Variants in PLCH1 observed in about 807,000 individuals in gnomAD.
PLCH1 encodes 1-phosphatidylinositol 4,5-bisphosphate phosphodiesterase eta-1.
In PLCH1, 60 loss-of-function variants were observed where a neutral mutation model predicts 126.7. The observed-to-expected ratio is 0.47, with a 90% CI of 0.38 to 0.59. PLCH1 has a LOEUF of 0.59. Ranked by LOEUF, PLCH1 falls within the 20% of genes least tolerant of loss-of-function variation. The pLI, the probability that PLCH1 is intolerant of heterozygous loss-of-function variation, is 0.00. For synonymous variants in PLCH1, 719 were observed against 734.9 expected (o/e 0.98, Z 0.35); for missense variants, 1,723 against 2,040.0 (o/e 0.84, Z 2.99).
At chr3:155,546,932 A>T (rs2108432221) in intron 10 of PLCH1, among the ~76,000 whole-genome samples, 2 of 138,112 alleles carry the variant, frequency 1.4e-5, no homozygotes, top group East Asian at 4.0e-4. Context: ...AAACCATAAA[A>T]ACCCTAGAAG....
At chr3:155,623,206 A>G (rs1736745683) in intron 2 of PLCH1, among the ~76,000 whole-genome samples, 1 of 152,334 alleles carries the variant, frequency 6.6e-6, no homozygotes, top group South Asian at 2.1e-4. Context: ...TTTGAAACCA[A>G]TGAGAACAAA....
intron 9 of PLCH1, among the ~76,000 whole-genome samples, chr3:155,550,375 C>T (rs1725948406): frequency 6.6e-6 from 1 of 152,100 alleles, no homozygotes; most frequent in Non-Finnish European, 1.5e-5. Context: ...TTAAATGAAG[C>T]TATTGACTCT....
At chr3:155,518,818 A>G (rs1023165321) in intron 11 of PLCH1, among the ~76,000 whole-genome samples, 1 of 152,062 alleles carries the variant, frequency 6.6e-6, no homozygotes, top group African/African-American at 2.4e-5. Context: ...TCCTTCTCTC[A>G]CTCAGGGCCT....
intron 22 of PLCH1, among the ~76,000 whole-genome samples, chr3:155,484,029 C>T (rs910000482): frequency 2.0e-5 from 3 of 152,094 alleles, no homozygotes; most frequent in African/African-American, 7.2e-5. Flanking sequence ...GATGTTACCA[C>T]TGAGACAGCC....
At chr3:155,457,685 A>G (rs1712485867) in intron 21 of PLCH1, 1 of 152,234 alleles carries the variant, frequency 6.6e-6, no homozygotes, top group Non-Finnish European at 1.5e-5. Context: ...CATAAGGTCA[A>G]GGAATTCGGT....
rs1314567099 is a variant in PLCH1, at chr3:155,744,980, C to T, written c.-181G>A. 1 of 152,578 alleles carries T rather than the reference C, an allele frequency of 6.6e-6. No homozygotes were observed. Among genetic ancestry groups the T allele is most frequent in the African/African-American group, 2.4e-5 (1 of 41,412 alleles). The allele number at this position is 152,578 out of a possible 1,614,324, so 9.5% of individuals were successfully genotyped here. On this transcript the variant is annotated 5_prime_UTR_variant, in exon 1 of 23. Transcript: ENST00000460012. The stretch of plus-strand genomic sequence containing the variant: ...CCCCTGCCAAGGGCCAGAAAAGCCC[C>T]CCTAGAAGAGCACTTCTCCCCACTA...
rs796818041 is a variant in PLCH1, at chr3:155,458,453, G to GGAAAGAAAGAAAGAAA, written c.2938+26887_2938+26902dup. Among the ~76,000 whole-genome samples the GGAAAGAAAGAAAGAAA allele has an allele frequency of 2.0e-3, 58 of 28,672 alleles. 3 individuals are homozygous for GGAAAGAAAGAAAGAAA. Among genetic ancestry groups the GGAAAGAAAGAAAGAAA allele is most frequent in the Middle Eastern group, 0.013 (1 of 78 alleles). The allele number at this position is 28,672 out of a possible 152,430, so 18.8% of individuals were successfully genotyped here. A position where few individuals can be genotyped will look rare whatever the true frequency, so the allele number is the denominator to read the frequency against. On this transcript the variant is annotated intron_variant, in intron 21 of 21. Transcript: ENST00000494598. ...AGGAAGGAAGGAAGGAAGGAAGGAA[G>GGAAAGAAAGAAAGAAA]GAAAGAAAGAAAGAAAGAAAGAAAG...
chr3:155,513,187 G>T (rs1388411026), intron 12 of PLCH1, among the ~76,000 whole-genome samples: 3 of 152,178 alleles, frequency 2.0e-5, no homozygotes, highest in Non-Finnish European at 4.4e-5. Flanking sequence ...CTGGCACAGA[G>T]GGCCTCGTCT....
intron 2 of PLCH1, among the ~76,000 whole-genome samples, chr3:155,671,068 C>G (rs1170753105): frequency 6.6e-6 from 1 of 152,166 alleles, no homozygotes; most frequent in East Asian, 1.9e-4. Context: ...ATGTATCTTA[C>G]CACCTCTAAC....
chr3:155,672,143 C>T (rs1356231982), intron 2 of PLCH1, among the ~76,000 whole-genome samples: 1 of 152,092 alleles, frequency 6.6e-6, no homozygotes, highest in Admixed American at 6.6e-5. Context: ...ATGAATCCTA[C>T]TGTGTTCCTG....
In PLCH1 at chr3:155,485,645, G is replaced by A; in HGVS notation, c.2685C>T (p.Asn895=). ...ATCGCTTCCGTACATAATGGGAATTGTTTTCTGAAGAACTGTGCCTAGGAT... is the reference window on the plus strand; with the variant it reads ...ATCGCTTCCGTACATAATGGGAATTATTTTCTGAAGAACTGTGCCTAGGAT... ...NKNPRHSSSE[N]NSHYVRKRSI... is the part of the protein sequence containing the mutation. Residue 895 remains asparagine, a synonymous_variant, in exon 22 of 23, where the codon AAC becomes AAT. Transcript: ENST00000460012. 1.2e-6 allele frequency: 2 copies of A among 1,610,150 alleles called. No homozygotes were observed. The highest frequency in any genetic ancestry group is 1.7e-6 in the Non-Finnish European group (2 of 1,179,970).
At chr3:155,543,626 G>C (rs1219353322) in intron 10 of PLCH1, among the ~76,000 whole-genome samples, 1 of 152,064 alleles carries the variant, frequency 6.6e-6, no homozygotes. Flanking sequence ...AAATGTTAAG[G>C]GCAGCCAGAG....
intron 21 of PLCH1, among the ~76,000 whole-genome samples, chr3:155,461,366 G>T (rs1712717609): frequency 6.6e-6 from 1 of 152,164 alleles, no homozygotes. Flanking sequence ...AAACCTGAGA[G>T]CATGACTATG....
chr3:155,708,084 A>G (rs929397789), intron 1 of PLCH1, among the ~76,000 whole-genome samples: 4 of 152,150 alleles, frequency 2.6e-5, no homozygotes, highest in African/African-American at 7.2e-5. Context: ...AAGACTTTAC[A>G]TCAGTGAGCC....
At chr3:155,539,126 C>T (rs1009532146) in intron 10 of PLCH1, among the ~76,000 whole-genome samples, 1 of 151,822 alleles carries the variant, frequency 6.6e-6, no homozygotes, top group Non-Finnish European at 1.5e-5. Context: ...ATGTGATATA[C>T]CACATAAACA....
At chr3:155,593,188 G>C (rs115003386) in intron 4 of PLCH1, among the ~76,000 whole-genome samples, 5,370 of 152,230 alleles carry the variant, frequency 0.035, 103 homozygotes, top group Non-Finnish European at 0.05. Flanking sequence ...GGAATCAAGG[G>C]AGTCAACTAG....
At chr3:155,668,201 G>A (rs551078352) in intron 2 of PLCH1, among the ~76,000 whole-genome samples, 88 of 151,984 alleles carry the variant, frequency 5.8e-4, no homozygotes, top group Non-Finnish European at 1.1e-3. Context: ...ACTTTCATCT[G>A]TTTGTTGCTC....
At chr3:155,570,174 C>T (rs1391390284) in intron 6 of PLCH1, among the ~76,000 whole-genome samples, 2 of 152,146 alleles carry the variant, frequency 1.3e-5, no homozygotes, top group Admixed American at 6.5e-5. Flanking sequence ...CAACCTTCCC[C>T]ATCCCCTGAT....
At chr3:155,645,548 C>T (rs1477287308) in intron 2 of PLCH1, among the ~76,000 whole-genome samples, 2 of 152,204 alleles carry the variant, frequency 1.3e-5, no homozygotes, top group Non-Finnish European at 2.9e-5. Flanking sequence ...ACGATCACAG[C>T]TTACTGCAGC....
Sources: gnomAD v4.1 joint callset for allele counts (sites outside exome capture counted in the v4.1 genomes callset) on GRCh38, gnomAD v4.1.1 for gene constraint, MANE v1.5 for transcripts, NCBI Gene and HGNC (gene_info 2026-07-23, HGNC 2026-07-21) for gene names.